CCDC192: variants seen among roughly 807,000 people sequenced by gnomAD.
The protein encoded by CCDC192 is coiled-coil domain-containing protein 192.
intron 5 of CCDC192, chr5:127,838,741 A>C (rs1466278782): frequency 6.6e-6 from 1 of 152,254 alleles, no homozygotes; most frequent in Non-Finnish European, 1.5e-5. Flanking sequence ...AAAAATGTAC[A>C]CATCAGATTG....
chr5:127,814,044 G>C (rs1172285824), intron 5 of CCDC192, among the ~76,000 whole-genome samples: 1 of 152,184 alleles, frequency 6.6e-6, no homozygotes, highest in Non-Finnish European at 1.5e-5. Flanking sequence ...GGGAGCCTTG[G>C]TTGTGAATTG....
intron 3 of CCDC192, among the ~76,000 whole-genome samples, chr5:127,792,882 G>T (rs1290269176): frequency 6.6e-6 from 1 of 152,086 alleles, no homozygotes; most frequent in Non-Finnish European, 1.5e-5. Context: ...GAGTTGAAAA[G>T]CACAATGGCT....
chr5:127,768,433 T>G (rs1755356449), intron 3 of CCDC192, among the ~76,000 whole-genome samples: 1 of 152,118 alleles, frequency 6.6e-6, no homozygotes, highest in African/African-American at 2.4e-5. Flanking sequence ...TGCCAGAGAT[T>G]GCCAGCAAAC....
chr5:127,750,894 T>A (rs993683509), intron 2 of CCDC192, among the ~76,000 whole-genome samples: 3 of 150,918 alleles, frequency 2.0e-5, no homozygotes, highest in Non-Finnish European at 4.5e-5. Flanking sequence ...CTTTTGATCT[T>A]TGTTGGTTTA....
chr5:127,751,984 C>T (rs959509154), intron 2 of CCDC192, among the ~76,000 whole-genome samples: 56 of 151,988 alleles, frequency 3.7e-4, no homozygotes, highest in Non-Finnish European at 5.9e-5. Flanking sequence ...TTAAGCACTT[C>T]TCTGTATTGG....
At chr5:127,855,071 C>T (rs1415912034) in intron 5 of CCDC192, among the ~76,000 whole-genome samples, 1 of 152,132 alleles carries the variant, frequency 6.6e-6, no homozygotes, top group African/African-American at 2.4e-5. Context: ...GAGGGCCTTG[C>T]CTCAGTGTTG....
rs563475374 is a variant in CCDC192, at chr5:127,752,978, C to T, written c.115-1290C>T. Among the ~76,000 whole-genome samples the T allele has an allele frequency of 7.2e-5, 11 of 152,244 alleles. No homozygotes were observed. In the South Asian group the frequency reaches 1.0e-3, roughly 14 times the overall value. On this transcript the variant is annotated intron_variant, in intron 2 of 6. Transcript: ENST00000514853. ...TGCCTCGCCCTGCTTTGGGTCGCGT[C>T]GGTGTGCGCACCCACTGACCTGCGC...
chr5:127,902,009 G>A (rs1021563754), intron 6 of CCDC192, among the ~76,000 whole-genome samples: 3 of 152,230 alleles, frequency 2.0e-5, no homozygotes, highest in South Asian at 4.2e-4. Context: ...GGTGGCTCAC[G>A]CCTGTAATCC....
intron 5 of CCDC192, among the ~76,000 whole-genome samples, chr5:127,853,499 G>A (rs568280514): frequency 1.3e-3 from 196 of 152,234 alleles, no homozygotes; most frequent in African/African-American, 4.4e-3. Flanking sequence ...GAGGCTGGGC[G>A]TGGTGGCTCA....
At chr5:127,717,928 C>CAAAAAAAAAAAAAAAAAAAGAAAAAAAA in intron 2 of CCDC192, among the ~76,000 whole-genome samples, 4 of 98,074 alleles carry the variant, frequency 4.1e-5, no homozygotes, top group East Asian at 2.9e-4. Context: ...TAAAGCTAGA[C>CAAAAAAAAAAAAAAAAAAAGAAAAAAAA]AAAAAAAAAA....
At chr5:127,930,120 T>C (rs1159236809) in intron 6 of CCDC192, among the ~76,000 whole-genome samples, 1 of 152,198 alleles carries the variant, frequency 6.6e-6, no homozygotes, top group Non-Finnish European at 1.5e-5. Flanking sequence ...GGAGAATCGC[T>C]TGATCCCTGG....
chr5:127,726,750 G>A (rs949266004), intron 2 of CCDC192, among the ~76,000 whole-genome samples: 5 of 152,180 alleles, frequency 3.3e-5, no homozygotes, highest in African/African-American at 1.2e-4. Flanking sequence ...AGGGGTTTAC[G>A]GACAGAGCTT....
intron 5 of CCDC192, among the ~76,000 whole-genome samples, chr5:127,866,539 A>G (rs954633547): frequency 9.3e-5 from 14 of 150,704 alleles, no homozygotes; most frequent in South Asian, 2.1e-4. Flanking sequence ...TATAATATTC[A>G]ACTTACAGAT....
rs890166567 is a variant in CCDC192, at chr5:127,824,017, T to G, written c.411+25855T>G. Among the ~76,000 whole-genome samples, 7 of 152,258 alleles carry G rather than the reference T, an allele frequency of 4.6e-5. No individual in the cohort carries two copies. The East Asian group carries it at 1.4e-3, about 29-fold the overall frequency. ...GTGCACCTCCACCCAATAGCAAGGT[T>G]TCTAACCATGAAGCACACTCAGGGA... On this transcript the variant is annotated intron_variant, in intron 5 of 6. Transcript: ENST00000514853.
At chr5:127,757,699 G>C (rs891129731) in intron 3 of CCDC192, among the ~76,000 whole-genome samples, 3 of 150,844 alleles carry the variant, frequency 2.0e-5, no homozygotes, top group African/African-American at 4.9e-5. Flanking sequence ...GGGTGCCACT[G>C]TCTTCCTTAC....
At chr5:127,759,439 A>G (rs1028173169) in intron 3 of CCDC192, among the ~76,000 whole-genome samples, 4 of 152,170 alleles carry the variant, frequency 2.6e-5, no homozygotes, top group African/African-American at 7.2e-5. Context: ...CCCTTCCACC[A>G]TGTGAGGACA....
At chr5:127,873,717 G>T (rs967305426) in intron 5 of CCDC192, among the ~76,000 whole-genome samples, 7 of 152,120 alleles carry the variant, frequency 4.6e-5, no homozygotes, top group African/African-American at 1.7e-4. Flanking sequence ...AAAAGAAAGT[G>T]TAGAAATTTG....
chr5:127,914,597 CT>C (rs1279887876), intron 6 of CCDC192, among the ~76,000 whole-genome samples: 3 of 152,064 alleles, frequency 2.0e-5, no homozygotes, highest in Non-Finnish European at 4.4e-5. Context: ...CAAATGGTAA[CT>C]TTTACTTGAC....
At chr5:127,936,988 G>A (rs563379547) in intron 6 of CCDC192, among the ~76,000 whole-genome samples, 12 of 152,276 alleles carry the variant, frequency 7.9e-5, no homozygotes, top group African/African-American at 2.9e-4. Flanking sequence ...AAACTCACTG[G>A]GGTGGCCTTG....
Sources: allele counts gnomAD v4.1 joint callset (sites outside exome capture counted in the v4.1 genomes callset), GRCh38; gene constraint gnomAD v4.1.1; transcripts MANE v1.5; gene names NCBI Gene and HGNC (gene_info 2026-07-23, HGNC 2026-07-21).